The following PKHD1 variants were observed in gnomAD, a reference collection of about 807,000 sequenced individuals.
PKHD1 encodes the protein PKHD1 ciliary IPT domain containing fibrocystin/polyductin, also known as fibrocystin.
PKHD1 carries 291 observed loss-of-function variants against 412.0 expected under a neutral mutation model. The ratio of observed to expected loss-of-function variants is 0.71; its 90% CI spans 0.64 to 0.78. The LOEUF is 0.78. Ranked by LOEUF, PKHD1 falls within the 30% of genes least tolerant of loss-of-function variation. The pLI, the probability that PKHD1 is intolerant of heterozygous loss-of-function variation, is 0.00. For missense variants in PKHD1, 4,825 were observed against 4,950.7 expected (o/e 0.97, Z 0.76); for synonymous variants, 1,777 against 1,821.5 (o/e 0.98, Z 0.62).
At chr6:51,644,633 C>A (rs2661504) in intron 63 of PKHD1, among the ~76,000 whole-genome samples, 6,527 of 152,172 alleles carry the variant, frequency 0.043, 236 homozygotes, top group African/African-American at 0.093. Context: ...ACACAAAACC[C>A]ACAGAAATGC....
intron 37 of PKHD1, among the ~76,000 whole-genome samples, chr6:51,924,517 A>T (rs1380416056): frequency 6.6e-6 from 1 of 152,228 alleles, no homozygotes; most frequent in East Asian, 1.9e-4. Flanking sequence ...TTGTGTTTTT[A>T]AAAGATCAAC....
intron 37 of PKHD1, among the ~76,000 whole-genome samples, chr6:51,931,608 C>T (rs955665280): frequency 6.6e-6 from 1 of 152,076 alleles, no homozygotes; most frequent in Non-Finnish European, 1.5e-5. Flanking sequence ...TCCCTGTCAC[C>T]CAAATGGCTG....
Position 51,645,782 on chromosome 6 carries a change from A to T in PKHD1, c.11398+2249T>A, listed in dbSNP as rs138735868. Among the ~76,000 whole-genome samples, 21 of 152,366 alleles carry T rather than the reference A, an allele frequency of 1.4e-4. No homozygotes were observed. In the East Asian group the frequency reaches 4.0e-3, roughly 29 times the overall value. On this transcript the variant is annotated intron_variant, in intron 63 of 66. Coordinates refer to ENST00000371117, the MANE Select transcript of PKHD1 (RefSeq NM_138694.4). ...AATAGCAACACAATATTTAGTGCAG[A>T]GATTTGCTTGAGTCCTAGCTCTTGG...
chr6:51,699,184 G>T (rs1779132336), intron 60 of PKHD1, among the ~76,000 whole-genome samples: 1 of 152,018 alleles, frequency 6.6e-6, no homozygotes, highest in South Asian at 2.1e-4. Context: ...CCATAATCAG[G>T]ACAAAAAACA....
At position 52,028,267 on chromosome 6, in the gene PKHD1, G is replaced by A. The variant is rs747025880; in HGVS notation, c.3449C>T (p.Ala1150Val). The A allele has an allele frequency of 5.0e-6, 8 of 1,614,118 alleles. No homozygotes were observed. The highest frequency in any genetic ancestry group is 6.8e-6 in the Non-Finnish European group (8 of 1,180,000). ...CCAAGCCGACTGTGTGTGAACCGGA[G>A]CCAAGGCATCCTGGACGTGGACTTC... ...DVEVHVQDAL[A>V]PVHTQSAWGL... is the part of the protein sequence containing the mutation. Residue 1150 changes from alanine (A) to valine (V), a missense_variant, in exon 30 of 67, where the codon GCT (alanine) becomes GTT (valine). Transcript: ENST00000371117.
chr6:51,656,989 C>T (rs1008430309), intron 61 of PKHD1, among the ~76,000 whole-genome samples: 19 of 151,896 alleles, frequency 1.3e-4, no homozygotes, highest in African/African-American at 4.6e-4. Context: ...AGCTAGTACT[C>T]TCTTAGAAAA....
intron 52 of PKHD1, among the ~76,000 whole-genome samples, chr6:51,811,208 ACCCGGATGAT>A (rs1764632748): frequency 6.6e-6 from 1 of 152,152 alleles, no homozygotes; most frequent in East Asian, 1.9e-4. Flanking sequence ...TAAAGAAGTA[ACCCGGATGAT>A]CTCAGCTATA....
chr6:51,639,138 A>G (rs1768997512), intron 63 of PKHD1, among the ~76,000 whole-genome samples, 182 bp from the exon 64 acceptor site: 1 of 152,194 alleles, frequency 6.6e-6, no homozygotes, highest in Non-Finnish European at 1.5e-5. Flanking sequence ...AAGACAGAAT[A>G]ACAGTTAACA....
chr6:51,967,465 GA>G (rs1792987064), intron 35 of PKHD1, among the ~76,000 whole-genome samples: 1 of 152,128 alleles, frequency 6.6e-6, no homozygotes, highest in African/African-American at 2.4e-5. Flanking sequence ...TTCTGTAATT[GA>G]AAATAGGTAA....
At chr6:51,703,751 T>A (rs1370474002) in intron 60 of PKHD1, among the ~76,000 whole-genome samples, 2 of 152,026 alleles carry the variant, frequency 1.3e-5, no homozygotes, top group Non-Finnish European at 2.9e-5. Context: ...TGATGACATA[T>A]TAAAGAATCT....
At chr6:52,039,125 A>C (rs1322805269) in intron 27 of PKHD1, among the ~76,000 whole-genome samples, 1 of 152,246 alleles carries the variant, frequency 6.6e-6, no homozygotes, top group Non-Finnish European at 1.5e-5. Flanking sequence ...AGCACATGAA[A>C]AGATATTCAA....
At chr6:51,725,036 C>T (rs1192499331) in intron 60 of PKHD1, among the ~76,000 whole-genome samples, 1 of 152,142 alleles carries the variant, frequency 6.6e-6, no homozygotes, top group Non-Finnish European at 1.5e-5. Flanking sequence ...TGGCTCAGAT[C>T]TTCTTGGTTG....
chr6:52,060,118 A>C (rs1358593515), intron 14 of PKHD1, 76 bp from the exon 15 acceptor site: 4 of 796,918 alleles, frequency 5.0e-6, no homozygotes, highest in Non-Finnish European at 6.8e-6. Flanking sequence ...CTGCCCTTGT[A>C]CTTTGTCTTC....
intron 54 of PKHD1, 118 bp downstream of exon 54, chr6:51,775,690 C>T: frequency 1.5e-6 from 1 of 648,086 alleles, no homozygotes; most frequent in Non-Finnish European, 2.8e-6. Context: ...TATAAATTGC[C>T]TAAAAGGGTG....
At chr6:51,653,118 C>A (rs892670721) in intron 61 of PKHD1, among the ~76,000 whole-genome samples, 1 of 151,990 alleles carries the variant, frequency 6.6e-6, no homozygotes, top group Non-Finnish European at 1.5e-5. Flanking sequence ...CTACTATGTA[C>A]AAATGTTGTT....
chr6:51,693,865 C>T (rs1430776596), intron 60 of PKHD1, among the ~76,000 whole-genome samples: 1 of 152,104 alleles, frequency 6.6e-6, no homozygotes, highest in African/African-American at 2.4e-5. Flanking sequence ...ACTATTACTC[C>T]CATTTTACAG....
chr6:51,697,124 G>T (rs1288907724), intron 60 of PKHD1, among the ~76,000 whole-genome samples: 1 of 152,110 alleles, frequency 6.6e-6, no homozygotes, highest in Non-Finnish European at 1.5e-5. Flanking sequence ...AGGTTGCAGT[G>T]ACGTGAGATC....
chr6:51,683,177 G>A (rs1044855490), intron 60 of PKHD1, among the ~76,000 whole-genome samples: 2 of 151,966 alleles, frequency 1.3e-5, no homozygotes, highest in African/African-American at 2.4e-5. Flanking sequence ...GAGGATTTCA[G>A]GTAAATTACT....
chr6:51,961,878 T>G (rs1792095675), intron 35 of PKHD1, among the ~76,000 whole-genome samples: 1 of 152,102 alleles, frequency 6.6e-6, no homozygotes, highest in Non-Finnish European at 1.5e-5. Context: ...TTTTAGGCAG[T>G]GTTCCTTAGA....
Sources: gnomAD v4.1 joint callset for allele counts (sites outside exome capture counted in the v4.1 genomes callset) on GRCh38, gnomAD v4.1.1 for gene constraint, MANE v1.5 for transcripts, NCBI Gene and HGNC (gene_info 2026-07-23, HGNC 2026-07-21) for gene names.